The following CDKAL1 variants were observed in gnomAD, a reference collection of about 807,000 sequenced individuals.
The protein encoded by CDKAL1 is threonylcarbamoyladenosine tRNA methylthiotransferase.
In CDKAL1, 32 loss-of-function variants were observed where a neutral mutation model predicts 68.2. The observed-to-expected ratio is 0.47, with a 90% CI of 0.35 to 0.63. The LOEUF is 0.63. Ranked by LOEUF, CDKAL1 falls within the 30% of genes least tolerant of loss-of-function variation. The probability of loss-of-function intolerance (pLI) is 0.00; values close to 1 mark genes in which losing one functional copy is unlikely to be tolerated. For synonymous variants in CDKAL1, 234 were observed against 244.3 expected (o/e 0.96, Z 0.39); for missense variants, 606 against 696.7 (o/e 0.87, Z 1.47).
At chr6:20,660,872 T>C (rs370296243) in intron 5 of CDKAL1, among the ~76,000 whole-genome samples, 3 of 152,222 alleles carry the variant, frequency 2.0e-5, no homozygotes, top group African/African-American at 4.8e-5. Context: ...ATAAGTAATA[T>C]AATTGCATTA....
chr6:20,863,257 C>T (rs906171336), intron 9 of CDKAL1, among the ~76,000 whole-genome samples: 4 of 152,022 alleles, frequency 2.6e-5, no homozygotes, highest in Non-Finnish European at 4.4e-5. Context: ...GTATTTTGGT[C>T]TCAGTTCTCT....
chr6:20,549,812 G>A (rs1221426859), intron 4 of CDKAL1, among the ~76,000 whole-genome samples: 1 of 151,704 alleles, frequency 6.6e-6, no homozygotes, highest in African/African-American at 2.4e-5. Flanking sequence ...TCACCATGTT[G>A]GCCAGGCTAG....
At chr6:21,218,059 AAGTAT>A (rs1302958843) in intron 15 of CDKAL1, among the ~76,000 whole-genome samples, 2 of 152,180 alleles carry the variant, frequency 1.3e-5, no homozygotes, top group Admixed American at 1.3e-4. Context: ...TTTGTTTAAG[AAGTAT>A]GTCCTCCCTA....
intron 8 of CDKAL1, among the ~76,000 whole-genome samples, chr6:20,826,079 T>C (rs1777491725): frequency 6.6e-6 from 1 of 152,164 alleles, no homozygotes; most frequent in African/African-American, 2.4e-5. Context: ...CTTAAATAGA[T>C]GTAGCAATCT....
chr6:20,772,800 A>T (rs1775002059), intron 7 of CDKAL1: 1 of 152,070 alleles, frequency 6.6e-6, no homozygotes, highest in African/African-American at 2.4e-5. Context: ...CAATTCTCAG[A>T]TTTCTAGGGA....
In CDKAL1 at chr6:21,222,925, C is replaced by T. The variant is rs561892880; in HGVS notation, c.1549-7923C>T. Among the ~76,000 whole-genome samples the T allele has an allele frequency of 7.9e-5, 12 of 152,144 alleles. No homozygotes were observed. The South Asian group carries it at 8.3e-4, about 11-fold the overall frequency. On this transcript the variant is annotated intron_variant, in intron 15 of 15. Coordinates refer to ENST00000274695, the MANE Select transcript of CDKAL1 (RefSeq NM_017774.3). Reference sequence around the variant, plus strand: ...ATTTTGCAACGTGTTCTCATGTGAGCGCATCAAGTGTGTGTGCATGTGTGT... The same window carrying T: ...ATTTTGCAACGTGTTCTCATGTGAGTGCATCAAGTGTGTGTGCATGTGTGT...
intron 13 of CDKAL1, among the ~76,000 whole-genome samples, chr6:21,196,028 A>G (rs1048107067): frequency 6.6e-6 from 1 of 152,170 alleles, no homozygotes; most frequent in Non-Finnish European, 1.5e-5. Context: ...TACTATATAA[A>G]CATAGCAAGT....
chr6:20,797,741 CTGTA>C (rs1392558803), intron 8 of CDKAL1, among the ~76,000 whole-genome samples: 3 of 147,646 alleles, frequency 2.0e-5, no homozygotes, highest in Non-Finnish European at 3.0e-5. Flanking sequence ...CACTAAAAGG[CTGTA>C]TGTATGATTG....
In CDKAL1 at chr6:20,762,327, T is replaced by C. The variant is rs181452757; in HGVS notation, c.517+3684T>C. 3.8e-3 allele frequency among the ~76,000 whole-genome samples: 572 copies of C among 152,206 alleles called. 2 individuals are homozygous for C. The highest frequency in any genetic ancestry group is 6.1e-3 in the Non-Finnish European group (418 of 67,994). On this transcript the variant is annotated intron_variant, in intron 7 of 15. Transcript: ENST00000274695. The stretch of plus-strand genomic sequence containing the variant: ...TTGAAGGGGATATTCATTGGCAGGT[T>C]TGGTTAGAGGATGGGAAGTTTGATA...
At chr6:21,020,085 ACT>A (rs1329936112) in intron 11 of CDKAL1, among the ~76,000 whole-genome samples, 1 of 151,618 alleles carries the variant, frequency 6.6e-6, no homozygotes, top group Non-Finnish European at 1.5e-5. Context: ...TTTTTCTTTC[ACT>A]CTTTCCTCCA....
At chr6:21,022,857 T>C (rs1355727125) in intron 11 of CDKAL1, among the ~76,000 whole-genome samples, 1 of 152,210 alleles carries the variant, frequency 6.6e-6, no homozygotes, top group African/African-American at 2.4e-5. Context: ...GCGTTACTAT[T>C]CACTGTACCG....
At chr6:20,921,862 A>G (rs1227061072) in intron 9 of CDKAL1, among the ~76,000 whole-genome samples, 3 of 152,240 alleles carry the variant, frequency 2.0e-5, no homozygotes, top group Non-Finnish European at 4.4e-5. Flanking sequence ...TAGTTTCTCA[A>G]CAATTGCAGT....
intron 5 of CDKAL1, among the ~76,000 whole-genome samples, chr6:20,714,378 CTTTTTTTTTTTTTTT>C (rs545162371): frequency 2.8e-5 from 2 of 72,722 alleles, no homozygotes; most frequent in African/African-American, 4.9e-5. Context: ...ATTGTCTGTT[CTTTTTTTTTTTTTTT>C]TTTTTTTTTT....
chr6:21,111,099 C>T (rs1774099364), intron 13 of CDKAL1, among the ~76,000 whole-genome samples: 1 of 152,084 alleles, frequency 6.6e-6, no homozygotes, highest in South Asian at 2.1e-4. Flanking sequence ...TTTTATTCTG[C>T]ATTTTTCTAT....
chr6:21,122,049 T>C (rs1774748420), intron 13 of CDKAL1, among the ~76,000 whole-genome samples: 1 of 152,222 alleles, frequency 6.6e-6, no homozygotes, highest in Admixed American at 6.5e-5. Context: ...GGAGCTCAGT[T>C]TAAACATTTA....
chr6:21,102,060 C>A (rs1773602114), intron 12 of CDKAL1, among the ~76,000 whole-genome samples: 1 of 152,138 alleles, frequency 6.6e-6, no homozygotes, highest in Admixed American at 6.5e-5. Context: ...TTCTGAAGCA[C>A]AAATTTGATC....
intron 13 of CDKAL1, among the ~76,000 whole-genome samples, chr6:21,168,313 C>T (rs925021231): frequency 6.6e-6 from 1 of 152,152 alleles, no homozygotes; most frequent in African/African-American, 2.4e-5. Context: ...ATCAGTGCTG[C>T]TCAGGAAGGG....
chr6:20,953,822 TATTTA>T (rs1162518449), intron 9 of CDKAL1, among the ~76,000 whole-genome samples: 3 of 152,180 alleles, frequency 2.0e-5, no homozygotes, highest in African/African-American at 7.2e-5. Flanking sequence ...TGGAAGTAGG[TATTTA>T]ATTTAAACTA....
At chr6:21,024,717 C>G (rs1383452061) in intron 11 of CDKAL1, among the ~76,000 whole-genome samples, 2 of 152,200 alleles carry the variant, frequency 1.3e-5, no homozygotes, top group East Asian at 3.8e-4. Context: ...ACGGGGAACA[C>G]AGCTGTTCCT....
Sources: gnomAD v4.1 joint callset for allele counts (sites outside exome capture counted in the v4.1 genomes callset) on GRCh38, gnomAD v4.1.1 for gene constraint, MANE v1.5 for transcripts, NCBI Gene and HGNC (gene_info 2026-07-23, HGNC 2026-07-21) for gene names.